ROBO2: variants seen among roughly 807,000 people sequenced by gnomAD.
The protein encoded by ROBO2 is roundabout guidance receptor 2.
Under a neutral mutation model 160.8 loss-of-function variants are expected in ROBO2, and 53 were observed. The ratio of observed to expected loss-of-function variants is 0.33; its 90% confidence interval spans 0.26 to 0.41. ROBO2 has a LOEUF of 0.41. ROBO2 is among the 10% of genes least tolerant of loss of function. ROBO2 has a pLI of 1.00. For missense variants in ROBO2, 1,577 were observed against 1,722.4 expected (o/e 0.92, Z 1.49); for synonymous variants, 664 against 611.7 (o/e 1.09, Z -1.26).
chr3:76,178,121 G>A (rs1212353523), intron 2 of ROBO2, among the ~76,000 whole-genome samples: 2 of 152,068 alleles, frequency 1.3e-5, no homozygotes, highest in African/African-American at 4.8e-5. Flanking sequence ...AATATTACAA[G>A]GATGAAATAA....
At chr3:76,639,489 CAT>C (rs1553848555) in intron 2 of ROBO2, among the ~76,000 whole-genome samples, 7 of 149,290 alleles carry the variant, frequency 4.7e-5, no homozygotes, top group African/African-American at 7.4e-5. Context: ...CACACACACA[CAT>C]ATCCCCAAAC....
intron 2 of ROBO2, among the ~76,000 whole-genome samples, chr3:77,200,003 A>G (rs922272077): frequency 6.6e-6 from 1 of 151,468 alleles, no homozygotes; most frequent in African/African-American, 2.4e-5. Flanking sequence ...ATTACATATT[A>G]TTGCATGCAA....
chr3:77,418,943 A>G (rs775699715), intron 2 of ROBO2, among the ~76,000 whole-genome samples: 2 of 152,142 alleles, frequency 1.3e-5, no homozygotes, highest in Non-Finnish European at 2.9e-5. Flanking sequence ...TTTGTTTCCT[A>G]GAGCTACCAT....
At chr3:76,203,977 G>A (rs2107273657) in intron 2 of ROBO2, among the ~76,000 whole-genome samples, 1 of 152,312 alleles carries the variant, frequency 6.6e-6, no homozygotes, top group Admixed American at 6.5e-5. Flanking sequence ...TCACACAACA[G>A]CTTGCACTTT....
At chr3:77,602,677 C>T (rs2153692912) in intron 20 of ROBO2, among the ~76,000 whole-genome samples, 186 bp downstream of exon 21, 1 of 147,286 alleles carries the variant, frequency 6.8e-6, no homozygotes, top group Middle Eastern at 3.5e-3. Flanking sequence ...ACCACCACCA[C>T]CACCACCACC....
At chr3:76,135,595 C>T (rs913759079) in intron 2 of ROBO2, among the ~76,000 whole-genome samples, 1 of 151,994 alleles carries the variant, frequency 6.6e-6, no homozygotes, top group Non-Finnish European at 1.5e-5. Flanking sequence ...TCACAATTAC[C>T]CTAGAGGAAT....
chr3:76,574,801 G>A (rs1431935278), intron 2 of ROBO2, among the ~76,000 whole-genome samples: 1 of 152,072 alleles, frequency 6.6e-6, no homozygotes, highest in South Asian at 2.1e-4. Context: ...AATATCTCTA[G>A]ACTGAGCCTA....
At chr3:75,917,344 A>C (rs935739606) in intron 1 of ROBO2, among the ~76,000 whole-genome samples, 1 of 152,170 alleles carries the variant, frequency 6.6e-6, no homozygotes, top group African/African-American at 2.4e-5. Context: ...AGCTTCATCC[A>C]TGTCCCTGCA....
intron 2 of ROBO2, among the ~76,000 whole-genome samples, chr3:76,874,568 C>G (rs1037971490): frequency 5.3e-5 from 8 of 152,100 alleles, no homozygotes; most frequent in African/African-American, 1.9e-4. Context: ...TCCACCGCAG[C>G]TTATCACAGA....
chr3:76,138,815 TATA>T (rs1226313385), intron 2 of ROBO2, among the ~76,000 whole-genome samples: 1 of 152,120 alleles, frequency 6.6e-6, no homozygotes, highest in African/African-American at 2.4e-5. Context: ...TATTACAAAT[TATA>T]ATCTTTAATA....
intron 2 of ROBO2, among the ~76,000 whole-genome samples, chr3:76,085,773 G>C (rs2068992460): frequency 6.6e-6 from 1 of 152,078 alleles, no homozygotes; most frequent in Non-Finnish European, 1.5e-5. Flanking sequence ...GGAATTGCTG[G>C]AGACCCACTG....
intron 2 of ROBO2, among the ~76,000 whole-genome samples, chr3:76,636,436 G>T (rs902852240): frequency 2.0e-5 from 3 of 152,126 alleles, no homozygotes; most frequent in Non-Finnish European, 2.9e-5. Context: ...AAATTAAAGG[G>T]CATTTATTCA....
intron 2 of ROBO2, among the ~76,000 whole-genome samples, chr3:76,262,008 T>C (rs796327120): frequency 6.3e-4 from 96 of 152,252 alleles, no homozygotes; most frequent in African/African-American, 2.2e-3. Flanking sequence ...TTTAATTGTC[T>C]TTATGCAGAG....
chr3:76,300,625 C>CATAT (rs34790792), intron 2 of ROBO2, among the ~76,000 whole-genome samples: 7 of 151,106 alleles, frequency 4.6e-5, no homozygotes, highest in African/African-American at 7.3e-5. Context: ...TGCACATATG[C>CATAT]ATATATATAT....
At chr3:77,506,915 T>C (rs1346131067) in intron 5 of ROBO2, among the ~76,000 whole-genome samples, 1 of 152,156 alleles carries the variant, frequency 6.6e-6, no homozygotes, top group Non-Finnish European at 1.5e-5. Flanking sequence ...CATAATTTGG[T>C]TTGATATAGG....
At chr3:77,231,473 G>A (rs536376120) in intron 2 of ROBO2, among the ~76,000 whole-genome samples, 10 of 151,540 alleles carry the variant, frequency 6.6e-5, no homozygotes, top group Non-Finnish European at 1.5e-4. Flanking sequence ...GACCCCTGAT[G>A]AGGTCCCCTT....
chr3:76,997,006 A>G (rs979806264), intron 2 of ROBO2, among the ~76,000 whole-genome samples: 1 of 152,158 alleles, frequency 6.6e-6, no homozygotes, highest in African/African-American at 2.4e-5. Flanking sequence ...AGAAGTATTA[A>G]GACATAATTA....
At chr3:77,559,014 G>T (rs1202132187) in intron 9 of ROBO2, among the ~76,000 whole-genome samples, 2 of 151,976 alleles carry the variant, frequency 1.3e-5, no homozygotes, top group Non-Finnish European at 2.9e-5. Flanking sequence ...ATTATTCTTG[G>T]TAGCACTCAG....
intron 2 of ROBO2, among the ~76,000 whole-genome samples, chr3:76,398,533 C>T (rs1322008530): frequency 6.6e-6 from 1 of 151,598 alleles, no homozygotes; most frequent in Non-Finnish European, 1.5e-5. Context: ...TTACGATCTT[C>T]CCCTGGCAAT....
Sources: gnomAD v4.1 joint callset for allele counts (sites outside exome capture counted in the v4.1 genomes callset) on GRCh38, gnomAD v4.1.1 for gene constraint, MANE v1.5 for transcripts, NCBI Gene and HGNC (gene_info 2026-07-23, HGNC 2026-07-21) for gene names.